NPAS2: variants seen among roughly 807,000 people sequenced by gnomAD.
NPAS2 encodes neuronal PAS domain-containing protein 2.
NPAS2 carries 23 observed loss-of-function variants against 107.5 expected under a neutral mutation model. The observed-to-expected ratio is 0.21, with a 90% confidence interval of 0.15 to 0.30. NPAS2 has a LOEUF of 0.30. Among genes scored for constraint, NPAS2 ranks in the 10% least tolerant of loss-of-function variants. NPAS2 has a pLI of 1.00. For synonymous variants in NPAS2, 403 were observed against 417.5 expected, an observed-to-expected ratio of 0.97 and a Z score of 0.42; for missense variants, 756 against 1,043.3, an observed-to-expected ratio of 0.72 and a Z score of 3.79.
At chr2:100,838,733 A>T (rs905705446) in intron 1 of NPAS2, among the ~76,000 whole-genome samples, 14 of 152,160 alleles carry the variant, frequency 9.2e-5, no homozygotes, top group African/African-American at 2.9e-4. Context: ...TGCCTTCTCA[A>T]AGGGGTGTTC....
At chr2:100,895,267 G>T (rs994358681) in intron 1 of NPAS2, among the ~76,000 whole-genome samples, 2 of 152,218 alleles carry the variant, frequency 1.3e-5, no homozygotes, top group Non-Finnish European at 2.9e-5. Context: ...CTACAATTTT[G>T]TGATGACTTA....
intron 1 of NPAS2, among the ~76,000 whole-genome samples, chr2:100,873,569 C>A (rs1032957077): frequency 6.6e-6 from 1 of 151,870 alleles, no homozygotes; most frequent in African/African-American, 2.4e-5. Flanking sequence ...AAAGTATATG[C>A]CAACTCAGCT....
At chr2:100,871,061 G>A (rs1679550590) in intron 1 of NPAS2, among the ~76,000 whole-genome samples, 1 of 152,182 alleles carries the variant, frequency 6.6e-6, no homozygotes, top group South Asian at 2.1e-4. Flanking sequence ...GCAACCTGTT[G>A]CCTTCTCTTC....
intron 3 of NPAS2, among the ~76,000 whole-genome samples, chr2:100,930,366 C>T (rs1241805156): frequency 6.6e-6 from 1 of 152,240 alleles, no homozygotes; most frequent in Non-Finnish European, 1.5e-5. Context: ...TATTTGACCA[C>T]ATACATCCCA....
chr2:100,990,038 C>T (rs1678020202), intron 17 of NPAS2: 1 of 571,108 alleles, frequency 1.8e-6, no homozygotes. Flanking sequence ...ACATTTGCTA[C>T]TTGCCTGCCT....
chr2:100,940,162 G>A (rs1344131194), intron 5 of NPAS2, among the ~76,000 whole-genome samples: 2 of 152,236 alleles, frequency 1.3e-5, no homozygotes, highest in South Asian at 4.1e-4. Flanking sequence ...TGGTTGGGCA[G>A]AGGAGCGGAT....
chr2:100,826,990 G>T lies in NPAS2; in HGVS notation c.-23+6576G>T, dbSNP rs553886668. On this transcript the variant is annotated intron_variant, in intron 1 of 20. Coordinates refer to ENST00000335681, the MANE Select transcript of NPAS2 (RefSeq NM_002518.4). ...AAACAATTTAAATTAAATTTTATTGGCTACATAATAGTTATACTTGTTTTG... is the reference window on the plus strand; with the variant it reads ...AAACAATTTAAATTAAATTTTATTGTCTACATAATAGTTATACTTGTTTTG... 2.7e-4 allele frequency among the ~76,000 whole-genome samples: 41 copies of T among 152,216 alleles called. 1 individual carries two copies. In the South Asian group the frequency reaches 8.5e-3, roughly 32 times the overall value.
chr2:100,943,068 C>A (rs147875272), intron 5 of NPAS2, among the ~76,000 whole-genome samples: 44 of 152,306 alleles, frequency 2.9e-4, no homozygotes, highest in Admixed American at 7.8e-4. Flanking sequence ...GGAGGACTGA[C>A]TAGATGTAGA....
At chr2:100,959,636 C>T (rs555754653) in intron 7 of NPAS2, among the ~76,000 whole-genome samples, 86 of 152,334 alleles carry the variant, frequency 5.6e-4, no homozygotes, top group African/African-American at 1.9e-3. Flanking sequence ...ATGTTTATCA[C>T]GATTGGGACT....
chr2:100,973,376 T>A (rs943554558), intron 12 of NPAS2, among the ~76,000 whole-genome samples: 2 of 152,152 alleles, frequency 1.3e-5, no homozygotes, highest in African/African-American at 4.8e-5. Flanking sequence ...GGCATCAAGG[T>A]TCCTCCGGGC....
At chr2:100,902,085 A>G (rs1681821741) in intron 1 of NPAS2, among the ~76,000 whole-genome samples, 1 of 152,088 alleles carries the variant, frequency 6.6e-6, no homozygotes, top group African/African-American at 2.4e-5. Flanking sequence ...AAAAAAGTAG[A>G]TGCTCAAAAT....
At chr2:100,973,375 G>A (rs564977128) in intron 12 of NPAS2, among the ~76,000 whole-genome samples, 4 of 152,178 alleles carry the variant, frequency 2.6e-5, no homozygotes, top group Non-Finnish European at 5.9e-5. Context: ...GGGCATCAAG[G>A]TTCCTCCGGG....
At chr2:100,977,626 G>A (rs1677105129) in intron 14 of NPAS2, 84 bp from the exon 15 acceptor site, 2 of 1,215,800 alleles carry the variant, frequency 1.6e-6, no homozygotes, top group South Asian at 2.4e-5. Context: ...GCGGAACGCA[G>A]AGAACCCACC....
chr2:100,821,123 A>G, intron 1 of NPAS2: 1 of 1,304,676 alleles, frequency 7.7e-7, no homozygotes, highest in Non-Finnish European at 1.0e-6. Context: ...GTCGGTAACC[A>G]GGGAAGGGAC....
intron 2 of NPAS2, among the ~76,000 whole-genome samples, chr2:100,920,036 C>T (rs1020676650): frequency 6.6e-5 from 10 of 152,152 alleles, no homozygotes; most frequent in Non-Finnish European, 1.5e-4. Context: ...TGATGGAGCG[C>T]CTTGTGCACA....
intron 1 of NPAS2, among the ~76,000 whole-genome samples, chr2:100,875,528 G>A (rs1354869402): frequency 6.7e-6 from 1 of 149,432 alleles, no homozygotes; most frequent in Non-Finnish European, 1.5e-5. Context: ...TCACACAGAT[G>A]TGAGCATGAT....
chr2:100,873,716 G>A (rs1679770683), intron 1 of NPAS2, among the ~76,000 whole-genome samples: 1 of 152,092 alleles, frequency 6.6e-6, no homozygotes, highest in Non-Finnish European at 1.5e-5. Flanking sequence ...CAATGGAGCG[G>A]GGATTCATTT....
At chr2:100,914,379 G>T (rs556146647) in intron 2 of NPAS2, among the ~76,000 whole-genome samples, 1 of 152,296 alleles carries the variant, frequency 6.6e-6, no homozygotes, top group East Asian at 1.9e-4. Flanking sequence ...CGCCTGAGGT[G>T]CACATCTACT....
intron 19 of NPAS2, among the ~76,000 whole-genome samples, chr2:100,992,482 G>A (rs1454952231): frequency 6.6e-6 from 1 of 151,980 alleles, no homozygotes; most frequent in Non-Finnish European, 1.5e-5. Context: ...TCATGGGTGG[G>A]GACTTCCCCC....
Sources: allele counts gnomAD v4.1 joint callset (sites outside exome capture counted in the v4.1 genomes callset), GRCh38; gene constraint gnomAD v4.1.1; transcripts MANE v1.5; gene names NCBI Gene and HGNC (gene_info 2026-07-23, HGNC 2026-07-21).